Variants in FAM107B observed in about 807,000 individuals in gnomAD.
The protein encoded by FAM107B is protein FAM107B.
Under a neutral mutation model 31.5 loss-of-function variants are expected in FAM107B, and 21 were observed. That is an observed-to-expected ratio of 0.67 (90% confidence interval 0.47 to 0.96). FAM107B has a LOEUF of 0.96. FAM107B is among the 40% of genes least tolerant of loss of function. The probability of loss-of-function intolerance (pLI) is 0.00; values close to 1 mark genes in which losing one functional copy is unlikely to be tolerated. For missense variants in FAM107B, 452 were observed against 377.1 expected (o/e 1.20, Z -1.64); for synonymous variants, 157 against 141.5 (o/e 1.11, Z -0.78).
At chr10:14,634,889 A>G (rs1853457764) in intron 2 of FAM107B, among the ~76,000 whole-genome samples, 1 of 152,102 alleles carries the variant, frequency 6.6e-6, no homozygotes, top group Non-Finnish European at 1.5e-5. Flanking sequence ...CAGGAGTTTG[A>G]GACCAGCCTG....
intron 2 of FAM107B, chr10:14,602,753 A>C (rs1047015940): frequency 1.3e-5 from 2 of 152,240 alleles, no homozygotes; most frequent in African/African-American, 4.8e-5. Flanking sequence ...TAGTCCATGA[A>C]ACTTTTTTGT....
chr10:14,558,877 G>A (rs898399633), intron 2 of FAM107B, among the ~76,000 whole-genome samples: 2 of 152,080 alleles, frequency 1.3e-5, no homozygotes, highest in African/African-American at 4.8e-5. Context: ...CCCAAATTAG[G>A]AGATGAAAAC....
chr10:14,615,247 T>A (rs538618453), intron 2 of FAM107B, among the ~76,000 whole-genome samples: 1 of 152,216 alleles, frequency 6.6e-6, no homozygotes, highest in East Asian at 1.9e-4. Flanking sequence ...GAGGACCACT[T>A]GAACCTGGGA....
chr10:14,533,133 A>C (rs1847212240), intron 2 of FAM107B, among the ~76,000 whole-genome samples: 1 of 152,182 alleles, frequency 6.6e-6, no homozygotes, highest in African/African-American at 2.4e-5. Flanking sequence ...TATCTGACTC[A>C]TGAGTTAAAA....
intron 1 of FAM107B, among the ~76,000 whole-genome samples, chr10:14,759,498 A>C (rs1378453675): frequency 1.3e-5 from 2 of 152,076 alleles, no homozygotes; most frequent in African/African-American, 4.8e-5. Flanking sequence ...ATCAAATGAC[A>C]CTGCTGTATA....
At chr10:14,614,427 C>T (rs1015163840) in intron 2 of FAM107B, among the ~76,000 whole-genome samples, 1 of 152,026 alleles carries the variant, frequency 6.6e-6, no homozygotes, top group African/African-American at 2.4e-5. Context: ...AATCCCAGCA[C>T]TTTGGGAGGC....
chr10:14,697,468 G>A (rs1855294115), intron 1 of FAM107B, among the ~76,000 whole-genome samples: 1 of 152,198 alleles, frequency 6.6e-6, no homozygotes, highest in Admixed American at 6.5e-5. Flanking sequence ...TTAATTGTAG[G>A]CCAAATTCAA....
chr10:14,609,893 C>T (rs1383022274), intron 2 of FAM107B, among the ~76,000 whole-genome samples: 1 of 152,172 alleles, frequency 6.6e-6, no homozygotes, highest in African/African-American at 2.4e-5. Flanking sequence ...GTATCACATG[C>T]AGAGCTCAGC....
At position 14,582,462 on chromosome 10, in the gene FAM107B, C is replaced by T. The variant is rs571303650; in HGVS notation, c.470-51947G>A. Among the ~76,000 whole-genome samples the T allele has an allele frequency of 1.6e-4, 24 of 146,664 alleles. No homozygotes were observed. In the South Asian group the frequency reaches 4.2e-3, roughly 25 times the overall value. On this transcript the variant is annotated intron_variant, in intron 2 of 4. Coordinates refer to ENST00000181796, the MANE Select transcript of FAM107B (RefSeq NM_031453.4). ...CACAATCTCTGCTCACGGCAACCTC[C>T]GCCTCCTGGATTCAAGCAATTCTCC... is the stretch of plus-strand genomic sequence containing the variant.
At chr10:14,596,246 T>TC (rs36027072) in intron 2 of FAM107B, among the ~76,000 whole-genome samples, 32,198 of 152,052 alleles carry the variant, frequency 0.21, 3,617 homozygotes, top group East Asian at 0.38. Flanking sequence ...CAACCTGCTC[T>TC]CCCACCAGAC....
At chr10:14,588,296 A>G (rs1406499027) in intron 2 of FAM107B, among the ~76,000 whole-genome samples, 1 of 152,356 alleles carries the variant, frequency 6.6e-6, no homozygotes, top group African/African-American at 2.4e-5. Flanking sequence ...TTCAGCTGTA[A>G]GTAGGAAACA....
At chr10:14,653,334 C>T (rs1378343724) in intron 2 of FAM107B, among the ~76,000 whole-genome samples, 1 of 152,216 alleles carries the variant, frequency 6.6e-6, no homozygotes, top group Non-Finnish European at 1.5e-5. Context: ...ACCATGCACA[C>T]TGGAGTTATG....
Position 14,774,763 on chromosome 10 carries a change from CGAAGA to C in FAM107B, c.-105_-101del. 1.5e-6 allele frequency: 2 copies of C among 1,320,224 alleles called. No homozygotes were observed. Among genetic ancestry groups the C allele is most frequent in the East Asian group, 4.7e-5 (2 of 42,304 alleles). The allele number at this position is 1,320,224 out of a possible 1,614,324, so 81.8% of individuals were successfully genotyped here. A position where few individuals can be genotyped will look rare whatever the true frequency, so the allele number is the denominator to read the frequency against. ...CTTATAGGAACTCTTTCCAATTGCC[CGAAGA>C]GAAGAACTTGCTAGTGGTTGCCCCT... is the stretch of plus-strand genomic sequence containing the variant. On this transcript the variant is annotated 5_prime_UTR_variant, in exon 1 of 5. Transcript: ENST00000181796.
chr10:14,604,259 C>A (rs1340278956), intron 2 of FAM107B: 1 of 979,552 alleles, frequency 1.0e-6, no homozygotes, highest in African/African-American at 1.8e-5. Context: ...CGCACAAAGG[C>A]GCGCGGCTCC....
At chr10:14,584,369 G>A (rs1851755050) in intron 2 of FAM107B, among the ~76,000 whole-genome samples, 1 of 152,232 alleles carries the variant, frequency 6.6e-6, no homozygotes, top group Non-Finnish European at 1.5e-5. Flanking sequence ...AGGTGGAAAA[G>A]GACCTCCGAG....
At chr10:14,754,677 C>T (rs933872073) in intron 1 of FAM107B, among the ~76,000 whole-genome samples, 11 of 152,214 alleles carry the variant, frequency 7.2e-5, no homozygotes, top group Admixed American at 4.6e-4. Flanking sequence ...GCCACTGCAT[C>T]AAGCCACTGT....
chr10:14,724,088 T>A, intron 1 of FAM107B: 2 of 620,168 alleles, frequency 3.2e-6, no homozygotes, highest in Non-Finnish European at 5.8e-6. Flanking sequence ...ATGATGGGAA[T>A]CCAGAACAAT....
intron 2 of FAM107B, among the ~76,000 whole-genome samples, chr10:14,607,299 C>T (rs1012401161): frequency 1.3e-5 from 2 of 152,110 alleles, no homozygotes; most frequent in Non-Finnish European, 2.9e-5. Context: ...AGACAGGAGG[C>T]CAGTATCAAT....
chr10:14,633,153 T>G (rs1460780764), intron 2 of FAM107B, among the ~76,000 whole-genome samples: 4 of 150,264 alleles, frequency 2.7e-5, no homozygotes, highest in African/African-American at 9.8e-5. Context: ...GAGCCAAGAC[T>G]GTGCCACTGC....
Sources: allele counts gnomAD v4.1 joint callset (sites outside exome capture counted in the v4.1 genomes callset), GRCh38; gene constraint gnomAD v4.1.1; transcripts MANE v1.5; gene names NCBI Gene and HGNC (gene_info 2026-07-23, HGNC 2026-07-21).